Variants in PSAP observed in about 807,000 individuals in gnomAD.
PSAP encodes the protein prosaposin.
In PSAP, 25 loss-of-function variants were observed where a neutral mutation model predicts 66.0. That is an observed-to-expected ratio of 0.38 (90% CI 0.28 to 0.53). The LOEUF (loss-of-function observed/expected upper bound fraction) is 0.53, where lower values mean the gene tolerates loss of function less well. PSAP is among the 20% of genes least tolerant of loss of function. The pLI is 0.83. For synonymous variants in PSAP, 273 were observed against 258.9 expected, an observed-to-expected ratio of 1.05 and a Z score of -0.52; for missense variants, 649 against 668.8, an observed-to-expected ratio of 0.97 and a Z score of 0.33.
chr10:71,827,906 G>T, intron 6 of PSAP, 108 bp downstream of exon 6: 1 of 1,480,458 alleles, frequency 6.8e-7, no homozygotes, highest in Non-Finnish European at 9.3e-7. Context: ...TATTCAAGCT[G>T]CTTTCTGGGA....
chr10:71,816,666 C>T lies in PSAP; in HGVS notation c.*775G>A, dbSNP rs79662404. 2,553 of 346,624 alleles carry T rather than the reference C, an allele frequency of 7.4e-3. 56 individuals are homozygous for T. The highest frequency in any genetic ancestry group is 0.051 in the African/African-American group (2,391 of 46,732). 21.5% of individuals were successfully genotyped at this position (346,624 alleles called of 1,614,324 possible). The stretch of plus-strand genomic sequence containing the variant: ...ATGTAGGCAACACGAGCAGGCACAG[C>T]GCGGCCACCACTGTCCACACGCTCA... On this transcript the variant is annotated 3_prime_UTR_variant, in exon 14 of 14. Transcript: ENST00000394936.
At chr10:71,848,438 C>T (rs1842860727) in intron 1 of PSAP, among the ~76,000 whole-genome samples, 1 of 152,164 alleles carries the variant, frequency 6.6e-6, no homozygotes, top group African/African-American at 2.4e-5. Context: ...GGAGAGTCAC[C>T]TCTGGGCACC....
intron 7 of PSAP, among the ~76,000 whole-genome samples, chr10:71,825,082 G>A (rs960496063): frequency 6.6e-5 from 10 of 152,166 alleles, no homozygotes; most frequent in East Asian, 1.9e-4. Flanking sequence ...CAAAACAGGC[G>A]TCGCTGTGTT....
chr10:71,833,467 G>C (rs1431712601), intron 2 of PSAP, among the ~76,000 whole-genome samples: 2 of 152,164 alleles, frequency 1.3e-5, no homozygotes, highest in Admixed American at 6.6e-5. Flanking sequence ...CCAAAAAAAA[G>C]GGCAAGTATG....
chr10:71,830,140 T>C (rs996690996), intron 4 of PSAP, among the ~76,000 whole-genome samples: 5 of 152,162 alleles, frequency 3.3e-5, no homozygotes, highest in Admixed American at 6.5e-5. Flanking sequence ...CCCAAGTGTT[T>C]AACTTCTGTA....
At chr10:71,819,225 C>A in intron 11 of PSAP, 114 bp from the exon 12 acceptor site, 1 of 1,108,452 alleles carries the variant, frequency 9.0e-7, no homozygotes, top group Non-Finnish European at 1.4e-6. Flanking sequence ...CTGGCATTCC[C>A]AGCCCACTGG....
intron 4 of PSAP, among the ~76,000 whole-genome samples, chr10:71,830,533 GAC>G (rs1182481943): frequency 6.6e-6 from 1 of 152,220 alleles, no homozygotes; most frequent in Non-Finnish European, 1.5e-5. Flanking sequence ...GGCTGTGTAT[GAC>G]ACAACCCCTG....
rs551798208 is a variant in PSAP at position 71,821,272 on chromosome 10, A to G, written c.909+604T>C. ...TGTGCCACGTGTTAAGGCATCACACAGCCCAGGCCTTGAAGAACTAGAATG... is the reference window on the plus strand; with the variant it reads ...TGTGCCACGTGTTAAGGCATCACACGGCCCAGGCCTTGAAGAACTAGAATG... On this transcript the variant is annotated intron_variant, in intron 8 of 13. Coordinates refer to ENST00000394936, the MANE Select transcript of PSAP (RefSeq NM_002778.4). Among the ~76,000 whole-genome samples the G allele has an allele frequency of 3.9e-5, 6 of 152,380 alleles. No individual in the cohort carries two copies. The East Asian group carries it at 1.2e-3, about 29-fold the overall frequency.
In PSAP at chr10:71,816,442, C is replaced by CA. The variant is rs1353357135; in HGVS notation, c.*998dup. Reference sequence around the variant, plus strand: ...AGAAGTGGACAGAAGCGTGGGTGCCCAAGTGGGCCACAGACAGCTTCCAAC... The same window carrying CA: ...AGAAGTGGACAGAAGCGTGGGTGCCCAAAGTGGGCCACAGACAGCTTCCAAC... On this transcript the variant is annotated 3_prime_UTR_variant, in exon 14 of 14. Transcript: ENST00000394936. 8.5e-6 allele frequency: 4 copies of CA among 471,132 alleles called. No individual in the cohort carries two copies. Among genetic ancestry groups the CA allele is most frequent in the African/African-American group, 4.0e-5 (2 of 50,074 alleles). 29.2% of individuals were successfully genotyped at this position (471,132 alleles called of 1,614,324 possible).
intron 12 of PSAP, 61 bp from the exon 13 acceptor site, chr10:71,818,785 T>G: frequency 7.1e-7 from 1 of 1,399,358 alleles, no homozygotes; most frequent in Non-Finnish European, 1.0e-6. Flanking sequence ...ATGTATCGCT[T>G]TCAAAACTAA....
chr10:71,850,034 G>A (rs1341104981), intron 1 of PSAP, among the ~76,000 whole-genome samples: 1 of 149,226 alleles, frequency 6.7e-6, no homozygotes, highest in East Asian at 1.9e-4. Flanking sequence ...ATCTGACTCT[G>A]GCATAACATT....
chr10:71,831,135 T>C lies in PSAP; in HGVS notation c.366A>G (p.Lys122=). ...SYLPVILDII[K]GEMSRPGEVC... ...ATTCCCCATCACTTACCATTTCTCC[T>C]TTAATGATGTCCAGGATGACAGGGA... Residue 122 remains lysine, a synonymous_variant, in exon 4 of 14, where the codon AAA becomes AAG. Coordinates refer to ENST00000394936, the MANE Select transcript of PSAP (RefSeq NM_002778.4). 2 of 1,614,102 alleles carry C rather than the reference T, an allele frequency of 1.2e-6. No individual in the cohort carries two copies. Among genetic ancestry groups the C allele is most frequent in the Non-Finnish European group, 1.7e-6 (2 of 1,179,970 alleles).
rs139048702 is a variant in PSAP, at chr10:71,821,420, G to A, written c.909+456C>T. On this transcript the variant is annotated intron_variant, in intron 8 of 13. Coordinates refer to ENST00000394936, the MANE Select transcript of PSAP (RefSeq NM_002778.4). ...AAGTAGTCTAATCTTCACCAAGTGA[G>A]GTGTTTTAGTTAAATAAAATAGACA... Among the ~76,000 whole-genome samples the A allele has an allele frequency of 2.0e-5, 3 of 152,280 alleles. No individual in the cohort carries two copies. The East Asian group carries it at 5.8e-4, about 29-fold the overall frequency.
In PSAP at chr10:71,818,596, ACT is replaced by A. The variant is rs1423730142; in HGVS notation, c.1539+19_1539+20del. On this transcript the variant is annotated intron_variant, in intron 13 of 13. Transcript: ENST00000394936. ...CCCCAGGGCAAGACAGGCTGGTGAC[ACT>A]GTCTGCTGAGCTACTCACATTGCAC... The A allele has an allele frequency of 6.2e-7, 1 of 1,600,148 alleles. No individual in the cohort carries two copies. The highest frequency in any genetic ancestry group is 8.6e-7 in the Non-Finnish European group (1 of 1,168,498).
At chr10:71,820,425 AG>A in intron 8 of PSAP, 90 bp from the exon 9 acceptor site, 1 of 1,082,444 alleles carries the variant, frequency 9.2e-7, no homozygotes, top group Non-Finnish European at 1.4e-6. Context: ...CACAGAGACC[AG>A]GGTGGGTTAG....
Position 71,816,318 on chromosome 10 carries a change from TGTTA to T in PSAP, c.*1119_*1122del, listed in dbSNP as rs1842151959. The T allele has an allele frequency of 4.4e-6, 2 of 458,692 alleles. No homozygotes were observed. Among genetic ancestry groups the T allele is most frequent in the African/African-American group, 4.0e-5 (2 of 49,836 alleles). 28.4% of individuals were successfully genotyped at this position (458,692 alleles called of 1,614,324 possible). ...CCAGATCTGGCTAACAGAATTTTAT[TGTTA>T]AATCACAGAAACTTTAGTGCAAAAC... On this transcript the variant is annotated 3_prime_UTR_variant, in exon 14 of 14. Transcript: ENST00000394936.
chr10:71,818,587 G>A, intron 13 of PSAP, 30 bp downstream of exon 13: 1 of 1,576,048 alleles, frequency 6.3e-7, no homozygotes, highest in Non-Finnish European at 8.7e-7. Flanking sequence ...GGCAAGACAG[G>A]CTGGTGACAC....
rs766729561 is a variant in PSAP at position 71,819,526 on chromosome 10, T to C, written c.1289A>G (p.Gln430Arg). The C allele has an allele frequency of 5.0e-6, 8 of 1,614,140 alleles. No homozygotes were observed. The African/African-American group carries it at 1.1e-4, about 22-fold the overall frequency. Reference sequence around the variant, plus strand: ...TTTCTCAAGAGCAGCCAGGATCTCCTGCTTGGTGCTGTTTTTCTCCAGGTT... The same window carrying C: ...TTTCTCAAGAGCAGCCAGGATCTCCCGCTTGGTGCTGTTTTTCTCCAGGTT... ...DRNLEKNSTK[Q>R]EILAALEKGC... The change falls in exon 11 of 14, where the codon CAG becomes CGG. Residue 430 changes from glutamine to arginine, a missense_variant. Physicochemically the swap from Gln to Arg is conservative, Grantham distance 43 (BLOSUM62 1). Coordinates refer to ENST00000394936, the MANE Select transcript of PSAP (RefSeq NM_002778.4).
At chr10:71,829,410 G>A (rs539234136) in intron 4 of PSAP, among the ~76,000 whole-genome samples, 1 of 152,214 alleles carries the variant, frequency 6.6e-6, no homozygotes, top group South Asian at 2.1e-4. Flanking sequence ...GAATCACGGG[G>A]GCGGGTTTTC....
Sources: gnomAD v4.1 joint callset for allele counts (sites outside exome capture counted in the v4.1 genomes callset) on GRCh38, gnomAD v4.1.1 for gene constraint, MANE v1.5 for transcripts, NCBI Gene and HGNC (gene_info 2026-07-23, HGNC 2026-07-21) for gene names.